CRACDL: variants seen among roughly 807,000 people sequenced by gnomAD.
The protein encoded by CRACDL is CRACD-like protein.
In CRACDL, 26 loss-of-function variants were observed where a neutral mutation model predicts 70.6. That is an observed-to-expected ratio of 0.37 (90% CI 0.27 to 0.51). The LOEUF (loss-of-function observed/expected upper bound fraction) is 0.51. CRACDL is among the 20% of genes least tolerant of loss of function. The probability of loss-of-function intolerance (pLI) is 0.94; values close to 1 mark genes in which losing one functional copy is unlikely to be tolerated. For missense variants in CRACDL, 1,283 were observed against 1,376.9 expected (o/e 0.93, Z 1.08); for synonymous variants, 618 against 615.2 (o/e 1.00, Z -0.07).
At chr2:98,798,241 A>G (rs1703916720) in intron 7 of CRACDL, among the ~76,000 whole-genome samples, 1 of 152,082 alleles carries the variant, frequency 6.6e-6, no homozygotes, top group African/African-American at 2.4e-5. Context: ...CCTACTTGGG[A>G]GACTGTGGCA....
At chr2:98,811,821 T>G (rs981931843) in intron 7 of CRACDL, among the ~76,000 whole-genome samples, 6 of 152,208 alleles carry the variant, frequency 3.9e-5, no homozygotes, top group African/African-American at 1.4e-4. Context: ...ACTGGCTTTA[T>G]TCACTGAGCA....
At chr2:98,814,444 TG>T (rs1415946754) in intron 7 of CRACDL, among the ~76,000 whole-genome samples, 1 of 152,208 alleles carries the variant, frequency 6.6e-6, no homozygotes, top group Non-Finnish European at 1.5e-5. Context: ...TTCAAATATT[TG>T]ATGATCTTTT....
At chr2:98,855,225 AG>A (rs1393299131) in intron 1 of CRACDL, among the ~76,000 whole-genome samples, 3 of 151,550 alleles carry the variant, frequency 2.0e-5, no homozygotes, top group African/African-American at 7.3e-5. Context: ...GGCAGAAGTT[AG>A]GGTGAGCCAA....
rs1047444742 is a variant in CRACDL at position 98,892,506 on chromosome 2, A to G, written c.-11+43432T>C. Among the ~76,000 whole-genome samples the G allele has an allele frequency of 9.5e-4, 144 of 152,148 alleles. 2 individuals are homozygous for G. Among genetic ancestry groups the G allele is most frequent in the African/African-American group, 3.4e-3 (141 of 41,530 alleles). ...AAGAGTTCGAGTCCAGACAGTCAAC[A>G]TAGTGAAACCCCATCTCTACTAAAA... On this transcript the variant is annotated intron_variant, in intron 1 of 9. Transcript: ENST00000397899.
chr2:98,935,163 G>C (rs113707401), intron 1 of CRACDL, among the ~76,000 whole-genome samples: 3,348 of 152,262 alleles, frequency 0.022, 133 homozygotes, highest in African/African-American at 0.076. Flanking sequence ...CTTAAGACCA[G>C]TTTGGGAAGG....
At chr2:98,935,459 C>T (rs991442926) in intron 1 of CRACDL, among the ~76,000 whole-genome samples, 2 of 152,154 alleles carry the variant, frequency 1.3e-5, no homozygotes, top group African/African-American at 4.8e-5. Context: ...GAATCCCTCC[C>T]GGGTGGCGTG....
chr2:98,823,508 C>T lies in CRACDL; in HGVS notation c.765G>A (p.Leu255=). The part of the protein sequence containing the change: ...SRAQSESLSD[L]TCTPEEEENE... ...TTTCCTCCTCCTCTGGGGTGCACGT[C>T]AGGTCGCTCAGGGATTCAGACTGAG... The change falls in exon 7 of 10, where the codon CTG becomes CTA. Residue 255 remains leucine, a synonymous_variant. Coordinates refer to ENST00000397899, the MANE Select transcript of CRACDL (RefSeq NM_207362.3). The surrounding 1 kb of genome is among the most constrained non-coding windows in gnomAD (Gnocchi z 4.0). 1 of 1,590,988 alleles carries T rather than the reference C, an allele frequency of 6.3e-7. No individual in the cohort carries two copies. Among genetic ancestry groups the T allele is most frequent in the Non-Finnish European group, 8.5e-7 (1 of 1,176,262 alleles).
At chr2:98,922,130 T>C (rs1357493810) in intron 1 of CRACDL, among the ~76,000 whole-genome samples, 1 of 152,180 alleles carries the variant, frequency 6.6e-6, no homozygotes, top group Admixed American at 6.5e-5. Flanking sequence ...TCAGTGTTTA[T>C]CTTCCAACTA....
At chr2:98,854,594 G>A (rs1647866883) in intron 1 of CRACDL, among the ~76,000 whole-genome samples, 1 of 152,002 alleles carries the variant, frequency 6.6e-6, no homozygotes, top group African/African-American at 2.4e-5. Context: ...AAAACCACTT[G>A]TATCTAGCAT....
chr2:98,810,055 G>A (rs898520704), intron 7 of CRACDL, among the ~76,000 whole-genome samples: 11 of 152,048 alleles, frequency 7.2e-5, no homozygotes, highest in African/African-American at 2.7e-4. Context: ...CCTCATCCCA[G>A]CACCTGGTCA....
intron 1 of CRACDL, chr2:98,869,016 C>T (rs114289219): frequency 1.9e-5 from 21 of 1,112,794 alleles, no homozygotes; most frequent in South Asian, 5.2e-5. Context: ...CCGGGAGTCA[C>T]GGCCTGGCCT....
chr2:98,898,586 T>G (rs1157576882), intron 1 of CRACDL, among the ~76,000 whole-genome samples: 1 of 152,212 alleles, frequency 6.6e-6, no homozygotes, highest in Non-Finnish European at 1.5e-5. Flanking sequence ...CTGACCTCCT[T>G]GGCCTGCCCT....
At chr2:98,860,875 A>G (rs1028481835) in intron 1 of CRACDL, among the ~76,000 whole-genome samples, 1 of 152,266 alleles carries the variant, frequency 6.6e-6, no homozygotes, top group Non-Finnish European at 1.5e-5. Flanking sequence ...ATTGGTATGC[A>G]GAACATGGAA....
chr2:98,800,135 G>A (rs894105103), intron 7 of CRACDL, among the ~76,000 whole-genome samples: 7 of 152,156 alleles, frequency 4.6e-5, no homozygotes, highest in African/African-American at 1.7e-4. Context: ...TTATATTTGA[G>A]GTGGGAAAAT....
Position 98,827,133 on chromosome 2 carries a change from T to G in CRACDL, c.577A>C (p.Thr193Pro). 1 of 1,614,078 alleles carries G rather than the reference T, an allele frequency of 6.2e-7. No individual in the cohort carries two copies. The highest frequency in any genetic ancestry group is 8.5e-7 in the Non-Finnish European group (1 of 1,179,970). The change falls in exon 6 of 10, where the codon ACC becomes CCC. Residue 193 changes from threonine (T) to proline (P), a missense_variant. This residue lies in a region of CRACDL where 362 missense variants were observed against 495.0 expected (regional missense o/e 0.73). Transcript: ENST00000397899. Reference sequence around the variant, plus strand: ...TTGTCTGAGATCCGGGCAGAGACGGTGCTGTCGCTCACGTGGTCTGGAGAC... The same window carrying G: ...TTGTCTGAGATCCGGGCAGAGACGGGGCTGTCGCTCACGTGGTCTGGAGAC... ...VVSPDHVSDSTVSARISDNSL... is the reference protein window; with the variant it reads ...VVSPDHVSDSPVSARISDNSL...
intron 1 of CRACDL, among the ~76,000 whole-genome samples, chr2:98,866,793 G>A (rs1707165665): frequency 6.6e-6 from 1 of 151,852 alleles, no homozygotes; most frequent in African/African-American, 2.4e-5. Context: ...GTGACCAGCA[G>A]AATCACTTCT....
chr2:98,800,763 G>A (rs556015079), intron 7 of CRACDL, among the ~76,000 whole-genome samples: 25 of 152,218 alleles, frequency 1.6e-4, no homozygotes, highest in Middle Eastern at 3.4e-3. Flanking sequence ...CTTATCTACC[G>A]AACAAACACA....
intron 7 of CRACDL, among the ~76,000 whole-genome samples, chr2:98,820,894 T>C (rs535650355): frequency 3.3e-5 from 5 of 152,330 alleles, no homozygotes; most frequent in African/African-American, 1.2e-4. Flanking sequence ...GGAAATTCTT[T>C]CTTGGAGGAA....
chr2:98,818,112 G>A (rs1376146585), intron 7 of CRACDL, among the ~76,000 whole-genome samples: 1 of 152,198 alleles, frequency 6.6e-6, no homozygotes, highest in Non-Finnish European at 1.5e-5. Flanking sequence ...GAACCAACAG[G>A]AGGATGCATA....
Sources: allele counts gnomAD v4.1 joint callset (sites outside exome capture counted in the v4.1 genomes callset), GRCh38; gene constraint gnomAD v4.1.1; regional missense constraint gnomAD v4.1.1; non-coding constraint Gnocchi (gnomAD v3.1); transcripts MANE v1.5; gene names NCBI Gene and HGNC (gene_info 2026-07-23, HGNC 2026-07-21).